PTPRZ1: variants seen among roughly 807,000 people sequenced by gnomAD.
PTPRZ1 encodes the protein protein tyrosine phosphatase receptor type Z1.
Under a neutral mutation model 214.1 loss-of-function variants are expected in PTPRZ1, and 82 were observed. The observed-to-expected ratio is 0.38, with a 90% CI of 0.32 to 0.46. The LOEUF (loss-of-function observed/expected upper bound fraction) is 0.46, where lower values mean the gene tolerates loss of function less well. Among genes scored for constraint, PTPRZ1 ranks in the 20% least tolerant of loss-of-function variants. The pLI, the probability that PTPRZ1 is intolerant of heterozygous loss-of-function variation, is 1.00. For synonymous variants in PTPRZ1, 945 were observed against 987.9 expected (o/e 0.96, Z 0.81); for missense variants, 2,603 against 2,748.7 (o/e 0.95, Z 1.19).
chr7:122,051,355 ATGTATGTGTGTG>A, intron 23 of PTPRZ1, 61 bp from the exon 24 acceptor site: 2 of 945,580 alleles, frequency 2.1e-6, no homozygotes, highest in Non-Finnish European at 3.4e-6. Context: ...GTGTGTCTGT[ATGTATGTGTGTG>A]TGTGTGTATT....
intron 25 of PTPRZ1, among the ~76,000 whole-genome samples, chr7:122,052,208 CTT>C (rs1302377963): frequency 2.6e-5 from 4 of 152,122 alleles, no homozygotes; most frequent in Non-Finnish European, 1.5e-5. Context: ...AGATATAAAA[CTT>C]ATACCTGCTT....
chr7:121,964,960 G>C (rs919755943), intron 2 of PTPRZ1, among the ~76,000 whole-genome samples: 2 of 152,128 alleles, frequency 1.3e-5, no homozygotes, highest in Non-Finnish European at 2.9e-5. Context: ...ACATGAGCGG[G>C]GACATCATAT....
chr7:121,896,539 T>A (rs948364244), intron 1 of PTPRZ1, among the ~76,000 whole-genome samples: 2 of 152,094 alleles, frequency 1.3e-5, no homozygotes, highest in African/African-American at 4.8e-5. Context: ...ACCCGTCATA[T>A]GCTACAACAT....
chr7:122,049,201 A>AT (rs1792096377), intron 23 of PTPRZ1, among the ~76,000 whole-genome samples: 1 of 152,134 alleles, frequency 6.6e-6, no homozygotes, highest in Admixed American at 6.5e-5. Context: ...TTAGCCTTCT[A>AT]GAAAGTATCT....
chr7:122,052,355 C>T (rs1226974401), intron 25 of PTPRZ1, among the ~76,000 whole-genome samples: 1 of 152,144 alleles, frequency 6.6e-6, no homozygotes, highest in African/African-American at 2.4e-5. Context: ...GCAAACTGGG[C>T]TCATTTTAGG....
chr7:121,883,257 A>G (rs1166177809), intron 1 of PTPRZ1, among the ~76,000 whole-genome samples: 2 of 152,190 alleles, frequency 1.3e-5, no homozygotes, highest in Admixed American at 6.5e-5. Flanking sequence ...TTTTTTAGAG[A>G]TTAGAGTCAC....
At chr7:122,023,592 T>C (rs1223155715) in intron 13 of PTPRZ1, among the ~76,000 whole-genome samples, 1 of 121,176 alleles carries the variant, frequency 8.3e-6, no homozygotes, top group Non-Finnish European at 1.6e-5. Context: ...TTATATATAT[T>C]ATATGTATAA....
chr7:122,045,031 C>T (rs986046898), intron 23 of PTPRZ1, among the ~76,000 whole-genome samples: 1 of 152,112 alleles, frequency 6.6e-6, no homozygotes, highest in African/African-American at 2.4e-5. Context: ...CTTCTTCAAC[C>T]CCAGTTTCTC....
chr7:122,036,768 A>C (rs1004223465), intron 18 of PTPRZ1, 86 bp downstream of exon 18: 11 of 834,302 alleles, frequency 1.3e-5, no homozygotes, highest in Non-Finnish European at 1.7e-5. Context: ...TACATATACT[A>C]GTGCTTAATG....
chr7:121,891,395 C>G (rs1794605070), intron 1 of PTPRZ1, among the ~76,000 whole-genome samples: 1 of 145,062 alleles, frequency 6.9e-6, no homozygotes, highest in Admixed American at 7.0e-5. Context: ...CAGACCCTAG[C>G]ATAATGCCTG....
At chr7:121,888,867 A>G (rs1794488852) in intron 1 of PTPRZ1, among the ~76,000 whole-genome samples, 2 of 152,176 alleles carry the variant, frequency 1.3e-5, no homozygotes, top group South Asian at 4.1e-4. Flanking sequence ...AAAGCTTAAA[A>G]TCCATTATTT....
intron 2 of PTPRZ1, among the ~76,000 whole-genome samples, chr7:121,933,897 T>A (rs1273711862): frequency 1.3e-5 from 2 of 152,182 alleles, no homozygotes; most frequent in Non-Finnish European, 2.9e-5. Context: ...TTTTCCTCTT[T>A]GATTCACCAC....
chr7:121,989,578 TAGTC>T (rs1797883561), intron 8 of PTPRZ1, among the ~76,000 whole-genome samples: 1 of 152,168 alleles, frequency 6.6e-6, no homozygotes, highest in Non-Finnish European at 1.5e-5. Context: ...TTCGCCATGT[TAGTC>T]AGGCTGGTCT....
intron 6 of PTPRZ1, among the ~76,000 whole-genome samples, chr7:121,980,233 T>C (rs914055989): frequency 2.6e-5 from 4 of 152,148 alleles, no homozygotes; most frequent in Non-Finnish European, 4.4e-5. Context: ...TTTACCTAAT[T>C]AGTATTCTCA....
intron 23 of PTPRZ1, 69 bp from the exon 24 acceptor site, chr7:122,051,353 GTATGTA>G: frequency 1.1e-6 from 1 of 940,618 alleles, no homozygotes; most frequent in Non-Finnish European, 1.7e-6. Flanking sequence ...GTGTGTGTCT[GTATGTA>G]TGTGTGTGTG....
chr7:122,029,092 A>C (rs900357336), intron 14 of PTPRZ1, among the ~76,000 whole-genome samples: 2 of 149,716 alleles, frequency 1.3e-5, no homozygotes, highest in African/African-American at 4.9e-5. Flanking sequence ...TATGTGAGAA[A>C]AGGGTTTTTT....
intron 1 of PTPRZ1, among the ~76,000 whole-genome samples, chr7:121,910,135 C>T (rs938683220): frequency 2.0e-5 from 3 of 152,162 alleles, no homozygotes; most frequent in Non-Finnish European, 4.4e-5. Flanking sequence ...TTTTCCAACA[C>T]ATGGGGCTTG....
intron 1 of PTPRZ1, among the ~76,000 whole-genome samples, chr7:121,916,974 A>C (rs980140263): frequency 3.9e-5 from 6 of 152,192 alleles, no homozygotes; most frequent in African/African-American, 1.4e-4. Context: ...CAAAGAGTAG[A>C]GGCATGAGAT....
intron 8 of PTPRZ1, among the ~76,000 whole-genome samples, chr7:121,987,572 G>A (rs1241636632): frequency 6.6e-6 from 1 of 152,104 alleles, no homozygotes; most frequent in Non-Finnish European, 1.5e-5. Flanking sequence ...TAGATGCAAT[G>A]TTTGTTGGCT....
Sources: allele counts gnomAD v4.1 joint callset (sites outside exome capture counted in the v4.1 genomes callset), GRCh38; gene constraint gnomAD v4.1.1; transcripts MANE v1.5; gene names NCBI Gene and HGNC (gene_info 2026-07-23, HGNC 2026-07-21).